Variants in EEFSEC observed in about 807,000 individuals in gnomAD.
The protein encoded by EEFSEC is selenocysteine-specific elongation factor.
Under a neutral mutation model 42.1 loss-of-function variants are expected in EEFSEC, and 43 were observed. The ratio of observed to expected loss-of-function variants is 1.02; its 90% CI spans 0.80 to 1.32. EEFSEC has a LOEUF of 1.32. EEFSEC is among the 40% of genes most tolerant of loss of function. The pLI is 0.00. For synonymous variants in EEFSEC, 354 were observed against 339.1 expected (o/e 1.04, Z -0.48); for missense variants, 745 against 803.6 (o/e 0.93, Z 0.88).
intron 1 of EEFSEC, among the ~76,000 whole-genome samples, chr3:128,193,220 G>C (rs956557045): frequency 6.6e-6 from 1 of 152,186 alleles, no homozygotes; most frequent in Admixed American, 6.5e-5. Context: ...GGGGAATCAG[G>C]GGATGCTCTA....
At chr3:128,196,860 C>T (rs374953465) in intron 1 of EEFSEC, among the ~76,000 whole-genome samples, 6 of 152,214 alleles carry the variant, frequency 3.9e-5, no homozygotes, top group East Asian at 1.9e-4. Flanking sequence ...CAGTGTGGGG[C>T]ATGCACTCAG....
At chr3:128,382,157 T>C (rs2067783963) in intron 6 of EEFSEC, among the ~76,000 whole-genome samples, 1 of 152,202 alleles carries the variant, frequency 6.6e-6, no homozygotes, top group Non-Finnish European at 1.5e-5. Context: ...CTGCCCATCA[T>C]GACCTCTCTG....
At chr3:128,195,229 T>G (rs893226239) in intron 1 of EEFSEC, among the ~76,000 whole-genome samples, 4 of 152,254 alleles carry the variant, frequency 2.6e-5, no homozygotes, top group Non-Finnish European at 5.9e-5. Context: ...GAAAGAAATC[T>G]GCCTTCTATT....
chr3:128,157,796 T>A (rs950164296), intron 1 of EEFSEC, among the ~76,000 whole-genome samples: 6 of 152,252 alleles, frequency 3.9e-5, no homozygotes, highest in African/African-American at 1.4e-4. Flanking sequence ...TAATTTGTTA[T>A]CATGCTTGCT....
chr3:128,421,973 G>C, the EEFSEC span, among the ~76,000 whole-genome samples: 1 of 152,200 alleles, frequency 6.6e-6, no homozygotes, highest in African/African-American at 2.4e-5. Flanking sequence ...GATGGCACAA[G>C]AATTCTCTCA....
In EEFSEC at chr3:128,408,443, G is replaced by C; in HGVS notation, c.*184G>C. The C allele has an allele frequency of 1.7e-6, 1 of 598,808 alleles. No homozygotes were observed. Among genetic ancestry groups the C allele is most frequent in the Non-Finnish European group, 2.7e-6 (1 of 366,994 alleles). 37.1% of individuals were successfully genotyped at this position (598,808 alleles called of 1,614,324 possible). Reference sequence around the variant, plus strand: ...TGAGGGGGATGGGTTGCTGGGGCCAGGAGGGTCTCTCCTCCAGCCCCTGCA... The same window carrying C: ...TGAGGGGGATGGGTTGCTGGGGCCACGAGGGTCTCTCCTCCAGCCCCTGCA... On this transcript the variant is annotated 3_prime_UTR_variant, in exon 7 of 7. Transcript: ENST00000254730.
intron 4 of EEFSEC, among the ~76,000 whole-genome samples, chr3:128,339,645 C>T (rs758344386): frequency 1.3e-5 from 2 of 152,190 alleles, no homozygotes; most frequent in Non-Finnish European, 2.9e-5. Context: ...CAGGTTACTC[C>T]TTTGCCTAAA....
At chr3:128,407,433 C>T (rs924107905) in intron 6 of EEFSEC, among the ~76,000 whole-genome samples, 2 of 152,158 alleles carry the variant, frequency 1.3e-5, no homozygotes, top group African/African-American at 2.4e-5. Flanking sequence ...GCCGAGGGGG[C>T]ACTGTGAGAA....
intron 1 of EEFSEC, 177 bp downstream of exon 1, chr3:128,154,000 G>C (rs1029414681): frequency 5.8e-6 from 5 of 859,502 alleles, no homozygotes; most frequent in African/African-American, 1.8e-5. Flanking sequence ...CAAGTGAGCG[G>C]AGGCTTTGAG....
At chr3:128,234,905 A>C (rs2065992661) in intron 1 of EEFSEC, among the ~76,000 whole-genome samples, 1 of 152,210 alleles carries the variant, frequency 6.6e-6, no homozygotes. Flanking sequence ...ACTTCTCTTA[A>C]CATTGTAAGC....
intron 1 of EEFSEC, among the ~76,000 whole-genome samples, chr3:128,175,185 A>C (rs547564144): frequency 6.2e-5 from 9 of 145,018 alleles, no homozygotes; most frequent in Middle Eastern, 3.5e-3. Flanking sequence ...ACTGCTGCAA[A>C]CCCCCCCTTT....
chr3:128,379,736 A>G (rs1421360961), intron 6 of EEFSEC, among the ~76,000 whole-genome samples: 1 of 152,256 alleles, frequency 6.6e-6, no homozygotes, highest in Non-Finnish European at 1.5e-5. Flanking sequence ...TACAGAAACA[A>G]AAGGGAAACT....
At chr3:128,235,906 C>A (rs1326295873) in intron 1 of EEFSEC, among the ~76,000 whole-genome samples, 1 of 152,212 alleles carries the variant, frequency 6.6e-6, no homozygotes, top group Non-Finnish European at 1.5e-5. Flanking sequence ...CAGTGACAGG[C>A]AGGACTATCT....
intron 5 of EEFSEC, among the ~76,000 whole-genome samples, chr3:128,355,697 T>C (rs546145021): frequency 6.6e-6 from 1 of 151,156 alleles, no homozygotes; most frequent in Middle Eastern, 3.4e-3. Flanking sequence ...CAACATTTAC[T>C]CACACATTCA....
At chr3:128,376,638 T>C (rs1210711586) in intron 6 of EEFSEC, among the ~76,000 whole-genome samples, 1 of 152,136 alleles carries the variant, frequency 6.6e-6, no homozygotes, top group Non-Finnish European at 1.5e-5. Context: ...CTCTCCCCAG[T>C]AACAGTGACC....
chr3:128,327,947 G>T (rs1576640627), intron 4 of EEFSEC, among the ~76,000 whole-genome samples: 2 of 152,274 alleles, frequency 1.3e-5, no homozygotes. Flanking sequence ...CTATGGGAAG[G>T]GCGCCCATGA....
At chr3:128,410,824 C>T (rs1301763465), downstream of EEFSEC, among the ~76,000 whole-genome samples, 7 of 152,188 alleles carry the variant, frequency 4.6e-5, no homozygotes, top group Non-Finnish European at 1.0e-4. Context: ...GAACTCTGTG[C>T]AGGCGTCCAC....
chr3:128,167,810 G>C (rs542900567), intron 1 of EEFSEC, among the ~76,000 whole-genome samples: 1 of 152,184 alleles, frequency 6.6e-6, no homozygotes, highest in East Asian at 1.9e-4. Context: ...CTCCCAGATC[G>C]TATATTTTCC....
At chr3:128,194,592 C>T (rs968226370) in intron 1 of EEFSEC, among the ~76,000 whole-genome samples, 2 of 152,122 alleles carry the variant, frequency 1.3e-5, no homozygotes, top group African/African-American at 4.8e-5. Flanking sequence ...GCTTTATGCA[C>T]AAAAATGTTC....
Sources: allele counts gnomAD v4.1 joint callset (sites outside exome capture counted in the v4.1 genomes callset), GRCh38; gene constraint gnomAD v4.1.1; transcripts MANE v1.5; gene names NCBI Gene and HGNC (gene_info 2026-07-23, HGNC 2026-07-21).